Variants in ZC3H12B observed in about 807,000 individuals in gnomAD.
The protein encoded by ZC3H12B is probable ribonuclease ZC3H12B.
Under a neutral mutation model 43.9 loss-of-function variants are expected in ZC3H12B, and 7 were observed. The observed-to-expected ratio is 0.16, with a 90% confidence interval of 0.09 to 0.30. The LOEUF is 0.30. Ranked by LOEUF, ZC3H12B falls within the 10% of genes least tolerant of loss-of-function variation. The pLI, the probability that ZC3H12B is intolerant of heterozygous loss-of-function variation, is 1.00. For missense variants in ZC3H12B, 475 were observed against 670.2 expected (o/e 0.71, Z 3.22); for synonymous variants, 222 against 241.7 (o/e 0.92, Z 0.76).
the ZC3H12B span, among the ~76,000 whole-genome samples, chrX:65,322,823 C>A: frequency 9.0e-6 from 1 of 111,048 alleles, no homozygotes; most frequent in Non-Finnish European, 1.9e-5. Flanking sequence ...TGGAGGTGAC[C>A]TTAAGTTTTA....
At chrX:65,308,261 G>A in the ZC3H12B span, among the ~76,000 whole-genome samples, 2 of 109,961 alleles carry the variant, frequency 1.8e-5, no homozygotes, top group Non-Finnish European at 3.8e-5. Context: ...TATGTGCAGA[G>A]ACACACATAG....
chrX:65,066,186 G>C, the ZC3H12B span, among the ~76,000 whole-genome samples: 1 of 110,374 alleles, frequency 9.1e-6, no homozygotes, highest in East Asian at 2.9e-4. Flanking sequence ...TTCTCTTGCT[G>C]GCAAGGAGTT....
At chrX:65,365,141 C>T (rs1446387604), upstream of ZC3H12B, among the ~76,000 whole-genome samples, 1 of 111,035 alleles carries the variant, frequency 9.0e-6, no homozygotes, top group Non-Finnish European at 1.9e-5. Context: ...CCCTTACCAT[C>T]CTCAATCTTC....
the ZC3H12B span, among the ~76,000 whole-genome samples, chrX:65,044,667 G>A: frequency 3.6e-5 from 4 of 111,059 alleles, no homozygotes; most frequent in African/African-American, 6.5e-5. Context: ...TAGTAGTACT[G>A]GGGAAAGTGA....
the ZC3H12B span, among the ~76,000 whole-genome samples, chrX:65,289,049 T>C: frequency 9.0e-6 from 1 of 110,585 alleles, no homozygotes; most frequent in Non-Finnish European, 1.9e-5. Flanking sequence ...GTAAAATATC[T>C]GTGCAAGGAA....
the ZC3H12B span, among the ~76,000 whole-genome samples, chrX:65,202,271 G>A: frequency 8.8e-5 from 9 of 102,744 alleles, no homozygotes; most frequent in East Asian, 1.2e-3. Context: ...TTTTTATCCC[G>A]GATAGTCTTG....
intron 3 of ZC3H12B, among the ~76,000 whole-genome samples, chrX:65,471,082 T>A (rs978217144): frequency 9.0e-6 from 1 of 111,712 alleles, no homozygotes; most frequent in African/African-American, 3.3e-5. Context: ...AGTGTTTTTT[T>A]ATTTACTTTC....
Position 65,385,595 on chromosome X carries a change from G to C in ZC3H12B, n.296-12998G>C, listed in dbSNP as rs141736796. On this transcript the variant is annotated intron_variant and non_coding_transcript_variant, in intron 2 of 5. Coordinates refer to the ZC3H12B transcript ENST00000617377. ...AAATATACAATATCATCTGCAAACAGGGACAATTTGACTTCCTCTTTTCCT... is the reference window on the plus strand; with the variant it reads ...AAATATACAATATCATCTGCAAACACGGACAATTTGACTTCCTCTTTTCCT... Among the ~76,000 whole-genome samples, 18 of 111,856 alleles carry C rather than the reference G, an allele frequency of 1.6e-4. No individual in the cohort carries two copies. In the East Asian group the frequency reaches 4.2e-3, roughly 26 times the overall value.
At chrX:65,297,034 C>A in the ZC3H12B span, among the ~76,000 whole-genome samples, 2 of 111,327 alleles carry the variant, frequency 1.8e-5, no homozygotes, top group African/African-American at 6.5e-5. Flanking sequence ...AAACAAAGAG[C>A]CAACATTATA....
chrX:65,417,139 C>A (rs5964969), intron 3 of ZC3H12B, among the ~76,000 whole-genome samples: 1 of 111,297 alleles, frequency 9.0e-6, no homozygotes, highest in Non-Finnish European at 1.9e-5. Context: ...ATATTCTGTT[C>A]GAATAGGTCT....
the ZC3H12B span, among the ~76,000 whole-genome samples, chrX:65,040,260 A>G: frequency 9.0e-6 from 1 of 110,938 alleles, no homozygotes; most frequent in African/African-American, 3.3e-5. Flanking sequence ...GGCTGGGTAT[A>G]TATTATATAC....
At chrX:65,172,333 T>A in the ZC3H12B span, among the ~76,000 whole-genome samples, 1 of 112,377 alleles carries the variant, frequency 8.9e-6, no homozygotes, top group African/African-American at 3.2e-5. Flanking sequence ...ATTCTAGATA[T>A]TAGACCTTTT....
chrX:65,079,062 C>G, the ZC3H12B span, among the ~76,000 whole-genome samples: 2 of 112,086 alleles, frequency 1.8e-5, no homozygotes, highest in Non-Finnish European at 3.8e-5. Context: ...CTTCTACTCT[C>G]TATCTCTACA....
chrX:65,303,653 T>G, the ZC3H12B span, among the ~76,000 whole-genome samples: 1 of 112,434 alleles, frequency 8.9e-6, no homozygotes, highest in Non-Finnish European at 1.9e-5. Flanking sequence ...ACACTTTTAT[T>G]TAACATTGTA....
At chrX:65,078,871 A>G in the ZC3H12B span, among the ~76,000 whole-genome samples, 1 of 112,085 alleles carries the variant, frequency 8.9e-6, no homozygotes, top group Non-Finnish European at 1.9e-5. Flanking sequence ...TTCTGTTAAA[A>G]CAATCCAATT....
chrX:65,059,957 A>G, the ZC3H12B span, among the ~76,000 whole-genome samples: 3 of 112,059 alleles, frequency 2.7e-5, no homozygotes, highest in East Asian at 2.8e-4. Flanking sequence ...AATTCTAGGC[A>G]TTTAATTTTA....
the ZC3H12B span, among the ~76,000 whole-genome samples, chrX:65,116,207 T>C: frequency 8.9e-6 from 1 of 111,742 alleles, no homozygotes; most frequent in African/African-American, 3.2e-5. Context: ...CTTTGAGCCA[T>C]CTTGAGTTGA....
intron 3 of ZC3H12B, among the ~76,000 whole-genome samples, chrX:65,472,976 GTATA>G (rs1233764716): frequency 6.8e-5 from 5 of 73,511 alleles, no homozygotes; most frequent in African/African-American, 1.6e-4. Flanking sequence ...GTATGTGTGT[GTATA>G]TATATATATA....
the ZC3H12B span, among the ~76,000 whole-genome samples, chrX:65,336,928 G>T: frequency 1.8e-5 from 2 of 112,031 alleles, no homozygotes; most frequent in South Asian, 3.7e-4. Flanking sequence ...AAAAGAATAG[G>T]AGTTAACATC....
Sources: allele counts gnomAD v4.1 joint callset (sites outside exome capture counted in the v4.1 genomes callset), GRCh38; gene constraint gnomAD v4.1.1; transcripts MANE v1.5; gene names NCBI Gene and HGNC (gene_info 2026-07-23, HGNC 2026-07-21).